Variants in WNT5B observed in about 807,000 individuals in gnomAD.
The protein encoded by WNT5B is protein Wnt-5b.
A neutral mutation model predicts 36.5 loss-of-function variants in WNT5B; 18 were observed. That is an observed-to-expected ratio of 0.49 (90% CI 0.34 to 0.73). WNT5B has a LOEUF of 0.73. WNT5B is among the 30% of genes least tolerant of loss of function. WNT5B has a pLI of 0.01. For missense variants in WNT5B, 424 were observed against 508.4 expected (o/e 0.83, Z 1.60); for synonymous variants, 213 against 212.3 (o/e 1.00, Z -0.03).
At chr12:1,640,025 G>C (rs761035225) in intron 4 of WNT5B, 49 bp downstream of exon 4, 2 of 1,552,908 alleles carry the variant, frequency 1.3e-6, no homozygotes, top group South Asian at 2.4e-5. Flanking sequence ...CTAGGGGGCT[G>C]TTCCCGGGCT....
At chr12:1,640,048 G>T (rs1366387484) in intron 4 of WNT5B, 72 bp downstream of exon 4, 1 of 1,510,896 alleles carries the variant, frequency 6.6e-7, no homozygotes, top group Non-Finnish European at 8.8e-7. Flanking sequence ...GCCACCAGCC[G>T]TGGCCTGGCC....
intron 1 of WNT5B, 64 bp from the exon 2 acceptor site, chr12:1,631,234 C>A: frequency 4.1e-6 from 6 of 1,453,230 alleles, no homozygotes; most frequent in Admixed American, 4.3e-5. Flanking sequence ...CGCCTCACCC[C>A]GGCTCCTGGT....
At chr12:1,625,873 G>T (rs2094540171), upstream of WNT5B, among the ~76,000 whole-genome samples, 1 of 152,058 alleles carries the variant, frequency 6.6e-6, no homozygotes, top group African/African-American at 2.4e-5. Context: ...ATGTTGGCCA[G>T]GCTGGTCTCA....
In WNT5B at chr12:1,632,388, G is replaced by A. The variant is rs1419077846; in HGVS notation, c.81-270G>A. Among the ~76,000 whole-genome samples the A allele has an allele frequency of 6.6e-6, 1 of 152,042 alleles. No homozygotes were observed. The highest frequency in any genetic ancestry group is 1.9e-4 in the East Asian group (1 of 5,180). ...ATAAAGGCTTCTCTTCAGCCATAAG[G>A]GCTATTTTCCTATCTGATCACAGCA... On this transcript the variant is annotated intron_variant, in intron 2 of 4. Coordinates refer to ENST00000397196, the MANE Select transcript of WNT5B (RefSeq NM_032642.3). This position sits in a 1 kb window ranked among gnomAD's most constrained non-coding sequence, Gnocchi z 5.8.
chr12:1,622,172 G>A lies in WNT5B; in HGVS notation c.-58+5029G>A, dbSNP rs181418204. Among the ~76,000 whole-genome samples, 712 of 146,014 alleles carry A rather than the reference G, an allele frequency of 4.9e-3. 3 individuals are homozygous for A. The highest frequency in any genetic ancestry group is 6.6e-3 in the Admixed American group (96 of 14,474). On this transcript the variant is annotated intron_variant, in intron 1 of 4. Transcript: ENST00000310594. The stretch of plus-strand genomic sequence containing the variant: ...GTCGCCCAGGCTGGAGTGCAGTGGC[G>A]TGATCTCGGCTCACTGCAAGCTCCG...
At chr12:1,643,290 G>A (rs1341378181) in intron 4 of WNT5B, among the ~76,000 whole-genome samples, 1 of 152,156 alleles carries the variant, frequency 6.6e-6, no homozygotes, top group Non-Finnish European at 1.5e-5. Flanking sequence ...CTGTCACCAG[G>A]CTCAGCACAC....
At chr12:1,637,633 C>T (rs1555159233) in intron 3 of WNT5B, among the ~76,000 whole-genome samples, 1 of 150,750 alleles carries the variant, frequency 6.6e-6, no homozygotes, top group Non-Finnish European at 1.5e-5. Flanking sequence ...GCCTGTAATC[C>T]CAGCTACTCG....
chr12:1,625,928 G>A (rs867163680), upstream of WNT5B, among the ~76,000 whole-genome samples: 1 of 151,092 alleles, frequency 6.6e-6, no homozygotes, highest in African/African-American at 2.4e-5. Flanking sequence ...CTCCCGAAGC[G>A]CTAGGATTAC....
At position 1,618,560 on chromosome 12, in the gene WNT5B, C is replaced by T. The variant is rs1803494045; in HGVS notation, c.-58+1417C>T. On this transcript the variant is annotated intron_variant, in intron 1 of 4. Transcript: ENST00000310594. This position sits in a 1 kb window ranked among gnomAD's most constrained non-coding sequence, Gnocchi z 4.1. ...TTGTTCTCTTGAAACAATTCCTAAA[C>T]CACACTGACCTGTGACCTATACACT... is the stretch of plus-strand genomic sequence containing the variant. Among the ~76,000 whole-genome samples, 1 of 152,206 alleles carries T rather than the reference C, an allele frequency of 6.6e-6. No individual in the cohort carries two copies. Among genetic ancestry groups the T allele is most frequent in the Admixed American group, 6.5e-5 (1 of 15,282 alleles).
rs990584256 is a variant in WNT5B, at chr12:1,644,909, C to T, written c.622-885C>T. The T allele has an allele frequency of 2.6e-5, 4 of 152,232 alleles. No homozygotes were observed. Among genetic ancestry groups the T allele is most frequent in the African/African-American group, 9.7e-5 (4 of 41,446 alleles). 9.4% of individuals were successfully genotyped at this position (152,232 alleles called of 1,614,324 possible). ...CCGCTCCTGCAGGCAGGCCCAGCTG[C>T]TTGCAGTTCCCTTGCACGTTGCTTC... On this transcript the variant is annotated intron_variant, in intron 4 of 4. Coordinates refer to ENST00000397196, the MANE Select transcript of WNT5B (RefSeq NM_032642.3). The surrounding 1 kb of genome is among the most constrained non-coding windows in gnomAD (Gnocchi z 5.1).
Position 1,631,326 on chromosome 12 carries a change from C to T in WNT5B, c.-29C>T. ...ACCCTACTCTGGAAACTGTCAGTCC[C>T]AGGGCACTGGGGAGGGCTGAGGCCG... On this transcript the variant is annotated 5_prime_UTR_variant, in exon 2 of 5. Transcript: ENST00000397196. 1 of 1,613,464 alleles carries T rather than the reference C, an allele frequency of 6.2e-7. No individual in the cohort carries two copies. Among genetic ancestry groups the T allele is most frequent in the Non-Finnish European group, 8.5e-7 (1 of 1,179,570 alleles).
chr12:1,623,097 G>T, intron 1 of WNT5B, among the ~76,000 whole-genome samples: 1 of 151,876 alleles, frequency 6.6e-6, no homozygotes, highest in East Asian at 1.9e-4. Context: ...AAAGGTTGGC[G>T]GGGCCAGATT....
chr12:1,639,249 T>C (rs936108395), intron 3 of WNT5B, among the ~76,000 whole-genome samples: 1 of 151,328 alleles, frequency 6.6e-6, no homozygotes, highest in Non-Finnish European at 1.5e-5. Flanking sequence ...GCCATTCTCC[T>C]GCCTCAGCCT....
chr12:1,631,523 T>G (rs1446296771), intron 2 of WNT5B, 89 bp downstream of exon 2: 2 of 1,591,706 alleles, frequency 1.3e-6, no homozygotes, highest in Non-Finnish European at 1.7e-6. Context: ...TGTGTCACGG[T>G]AGTACCTTGA....
At chr12:1,642,668 C>T (rs2094577701) in intron 4 of WNT5B, among the ~76,000 whole-genome samples, 1 of 152,204 alleles carries the variant, frequency 6.6e-6, no homozygotes. Context: ...GTGACACCCA[C>T]TCTTCCCCTT....
chr12:1,641,489 A>G (rs1052504419), intron 4 of WNT5B, among the ~76,000 whole-genome samples: 3 of 152,104 alleles, frequency 2.0e-5, no homozygotes, highest in Admixed American at 6.6e-5. Context: ...ATGTCTTTAC[A>G]TAGCAAAATC....
chr12:1,645,880 C>G lies in WNT5B; in HGVS notation c.708C>G (p.Ala236=). 1.2e-6 allele frequency: 2 copies of G among 1,611,600 alleles called. No individual in the cohort carries two copies. Among genetic ancestry groups the G allele is most frequent in the Non-Finnish European group, 1.7e-6 (2 of 1,179,516 alleles). Residue 236 remains alanine (A), a synonymous_variant, in exon 5 of 5, where the codon GCC becomes GCG. Coordinates refer to ENST00000397196, the MANE Select transcript of WNT5B (RefSeq NM_032642.3). ...TCAAGACCTGCTGGCTGCAGCTGGC[C>G]GAGTTCCGCAAGGTCGGGGACCGGC... ...CSLKTCWLQL[A]EFRKVGDRLK... is the part of the protein sequence containing the mutation.
In WNT5B at chr12:1,647,144, G is replaced by T. The variant is rs950941249; in HGVS notation, c.*892G>T. On this transcript the variant is annotated 3_prime_UTR_variant, in exon 5 of 5. Transcript: ENST00000397196. ...GACGCTGCAACGGGTCAGGCTGGCG[G>T]GCCCGGCGTGCTCATCATCTCTGCC... 2.3e-4 allele frequency: 35 copies of T among 152,386 alleles called. No individual in the cohort carries two copies. The highest frequency in any genetic ancestry group is 8.2e-4 in the African/African-American group (34 of 41,562). 9.4% of individuals were successfully genotyped at this position (152,386 alleles called of 1,614,324 possible). A position where few individuals can be genotyped will look rare whatever the true frequency, so the allele number is the denominator to read the frequency against.
At position 1,632,546 on chromosome 12, in the gene WNT5B, C is replaced by T; in HGVS notation, c.81-112C>T. On this transcript the variant is annotated intron_variant, in intron 2 of 4. Transcript: ENST00000397196. The surrounding 1 kb of genome is among the most constrained non-coding windows in gnomAD (Gnocchi z 5.8). ...ATTTACTAATTTTTCTTTCCAGGGC[C>T]TTGTACACAGGGACGCATTCAATAA... 1 of 1,457,904 alleles carries T rather than the reference C, an allele frequency of 6.9e-7. No individual in the cohort carries two copies. The highest frequency in any genetic ancestry group is 9.2e-7 in the Non-Finnish European group (1 of 1,085,148). The allele number at this position is 1,457,904 out of a possible 1,614,324, so 90.3% of individuals were successfully genotyped here.
Sources: gnomAD v4.1 joint callset for allele counts (sites outside exome capture counted in the v4.1 genomes callset) on GRCh38, gnomAD v4.1.1 for gene constraint, Gnocchi (gnomAD v3.1) non-coding constraint, MANE v1.5 for transcripts, NCBI Gene and HGNC (gene_info 2026-07-23, HGNC 2026-07-21) for gene names.